Variants in ACTN4 observed in about 807,000 individuals in gnomAD.
ACTN4 encodes alpha-actinin-4.
In ACTN4, 18 loss-of-function variants were observed where a neutral mutation model predicts 114.2. The ratio of observed to expected loss-of-function variants is 0.16; its 90% CI spans 0.11 to 0.23. The LOEUF is 0.23. ACTN4 is among the 10% of genes least tolerant of loss of function. The pLI is 1.00. For missense variants in ACTN4, 722 were observed against 1,262.9 expected (o/e 0.57, Z 6.49); for synonymous variants, 515 against 506.3 (o/e 1.02, Z -0.23).
intron 8 of ACTN4, among the ~76,000 whole-genome samples, chr19:38,714,162 C>T (rs554647912): frequency 9.5e-4 from 145 of 152,312 alleles, no homozygotes; most frequent in Admixed American, 1.6e-3. Flanking sequence ...GCAGCCGACC[C>T]GTCCAGCCTC....
chr19:38,712,629 C>T (rs745805112), intron 8 of ACTN4, among the ~76,000 whole-genome samples: 30 of 152,046 alleles, frequency 2.0e-4, no homozygotes, highest in Non-Finnish European at 3.2e-4. Context: ...AGGGCACGGG[C>T]CAGGAGGGTG....
chr19:38,726,881 C>G, intron 17 of ACTN4, 76 bp from the exon 18 acceptor site: 1 of 1,599,334 alleles, frequency 6.3e-7, no homozygotes, highest in Non-Finnish European at 8.5e-7. Context: ...GGACAGTTCA[C>G]AGTCCTCCAC....
rs1467577164 is a variant in ACTN4 at position 38,728,996 on chromosome 19, G to A, written c.2419G>A (p.Gly807Ser). 1.2e-6 allele frequency: 2 copies of A among 1,612,936 alleles called. No individual in the cohort carries two copies. Among genetic ancestry groups the A allele is most frequent in the Admixed American group, 1.7e-5 (1 of 60,030 alleles). The change falls in exon 20 of 21, where the codon GGT becomes AGT. Residue 807 changes from glycine (G) to serine (S), a missense_variant and splice_region_variant. Physicochemically the swap from Gly to Ser is moderately conservative, Grantham distance 56 (BLOSUM62 0). This residue lies in a region of ACTN4 where 523 missense variants were observed against 875.9 expected (regional missense o/e 0.60). Coordinates refer to ENST00000252699, the MANE Select transcript of ACTN4 (RefSeq NM_004924.6). ...CCCCCACCCCACCCTCTCCTTGCAGGGTGAGGCCGAGTTCAACCGCATCAT... is the reference window on the plus strand; with the variant it reads ...CCCCCACCCCACCCTCTCCTTGCAGAGTGAGGCCGAGTTCAACCGCATCAT... Reference protein sequence around the residue: ...LGYDVENDRQGEAEFNRIMSL... With the variant: ...LGYDVENDRQSEAEFNRIMSL...
chr19:38,674,609 A>G (rs998993919), intron 1 of ACTN4, among the ~76,000 whole-genome samples: 2 of 152,026 alleles, frequency 1.3e-5, no homozygotes, highest in Non-Finnish European at 2.9e-5. Context: ...TTTTATCCCT[A>G]CCCTTACAGA....
At chr19:38,662,252 C>T (rs1024892782) in intron 1 of ACTN4, among the ~76,000 whole-genome samples, 1 of 152,182 alleles carries the variant, frequency 6.6e-6, no homozygotes, top group Non-Finnish European at 1.5e-5. Context: ...GAGGGAGGAA[C>T]AGCAACAGGG....
intron 12 of ACTN4, 148 bp downstream of exon 12, chr19:38,721,836 G>C: frequency 8.2e-7 from 1 of 1,216,446 alleles, no homozygotes; most frequent in Non-Finnish European, 1.2e-6. Context: ...AGAAGCCAGG[G>C]AAGGGCCTTA....
At chr19:38,670,345 A>G (rs1218839309) in intron 1 of ACTN4, among the ~76,000 whole-genome samples, 1 of 152,190 alleles carries the variant, frequency 6.6e-6, no homozygotes, top group Non-Finnish European at 1.5e-5. Flanking sequence ...CAGGAACAGC[A>G]AGGATAGGCC....
intron 1 of ACTN4, among the ~76,000 whole-genome samples, chr19:38,694,821 A>G (rs911359116): frequency 2.6e-5 from 4 of 152,320 alleles, no homozygotes; most frequent in South Asian, 4.1e-4. Context: ...TAGCCGTTAT[A>G]GCATAATTAC....
At position 38,710,242 on chromosome 19, in the gene ACTN4, G is replaced by A. The variant is rs569065259; in HGVS notation, c.734-15G>A. On this transcript the variant is annotated splice_polypyrimidine_tract_variant and intron_variant, in intron 7 of 20. Coordinates refer to ENST00000252699, the MANE Select transcript of ACTN4 (RefSeq NM_004924.6). ...GCCCTACTCGGGCAGTTTAACCCTTGTTGTTCACTTGCAGACATCGTGAAC... is the reference window on the plus strand; with the variant it reads ...GCCCTACTCGGGCAGTTTAACCCTTATTGTTCACTTGCAGACATCGTGAAC... The A allele has an allele frequency of 1.9e-5, 30 of 1,613,996 alleles. No individual in the cohort carries two copies. In the African/African-American group the frequency reaches 3.2e-4, roughly 17 times the overall value.
At chr19:38,700,809 C>A in intron 2 of ACTN4, 95 bp downstream of exon 2, 1 of 1,402,300 alleles carries the variant, frequency 7.1e-7, no homozygotes, top group Non-Finnish European at 9.9e-7. Context: ...TGTCCCATTG[C>A]TCCTGGGGAG....
intron 12 of ACTN4, chr19:38,721,990 C>T: frequency 2.1e-6 from 1 of 467,064 alleles, no homozygotes; most frequent in Non-Finnish European, 4.0e-6. Context: ...CCTCTCCTGG[C>T]CACCCCAAGT....
intron 1 of ACTN4, among the ~76,000 whole-genome samples, chr19:38,675,440 G>A (rs922871106): frequency 3.9e-5 from 6 of 152,156 alleles, no homozygotes; most frequent in Non-Finnish European, 8.8e-5. Flanking sequence ...TCACCATGTT[G>A]CCCAGGCTGG....
At position 38,731,382 on chromosome 19, in the gene ACTN4, C is replaced by T. The variant is rs376653887; in HGVS notation, c.*1950C>T. The stretch of plus-strand genomic sequence containing the variant: ...GTGAGTACAGGCTGATCCCTTCAAT[C>T]CTCTGGGCCTGTTTCCTCATCCATC... On this transcript the variant is annotated 3_prime_UTR_variant, in exon 21 of 21. Coordinates refer to ENST00000252699, the MANE Select transcript of ACTN4 (RefSeq NM_004924.6). 7 of 636,542 alleles carry T rather than the reference C, an allele frequency of 1.1e-5. No individual in the cohort carries two copies. The highest frequency in any genetic ancestry group is 3.6e-5 in the African/African-American group (2 of 55,810). The allele number at this position is 636,542 out of a possible 1,614,324, so 39.4% of individuals were successfully genotyped here.
intron 1 of ACTN4, among the ~76,000 whole-genome samples, chr19:38,688,558 G>A (rs1372604715): frequency 6.6e-6 from 1 of 151,516 alleles, no homozygotes; most frequent in African/African-American, 2.4e-5. Context: ...GCAACAGGGT[G>A]AGACCCTGTC....
intron 1 of ACTN4, among the ~76,000 whole-genome samples, chr19:38,671,795 C>T (rs7260070): frequency 0.058 from 8,891 of 152,290 alleles, 282 homozygotes; most frequent in South Asian, 0.11. Context: ...TGGGAAAAGC[C>T]AGGAAGCTCG....
rs568966362 is a variant in ACTN4, at chr19:38,727,635, C to A, written c.2338-311C>A. On this transcript the variant is annotated intron_variant, in intron 18 of 20. Coordinates refer to ENST00000252699, the MANE Select transcript of ACTN4 (RefSeq NM_004924.6). The surrounding 1 kb of genome is among the most constrained non-coding windows in gnomAD (Gnocchi z 5.4). ...TCCCAAAGGCAAGGAGAACCCCCCC[C>A]CCGACCCTCCACCAGTCCTGGGACT... 9.9e-5 allele frequency among the ~76,000 whole-genome samples: 14 copies of A among 140,870 alleles called. No homozygotes were observed. Among genetic ancestry groups the A allele is most frequent in the South Asian group, 2.9e-4 (1 of 3,490 alleles). The allele number at this position is 140,870 out of a possible 152,430, so 92.4% of individuals were successfully genotyped here. A position where few individuals can be genotyped will look rare whatever the true frequency, so the allele number is the denominator to read the frequency against.
At chr19:38,669,645 G>A (rs1030973234) in intron 1 of ACTN4, among the ~76,000 whole-genome samples, 1 of 152,156 alleles carries the variant, frequency 6.6e-6, no homozygotes, top group Admixed American at 6.5e-5. Context: ...GCTTGTTTTA[G>A]TAGCTGCATT....
Position 38,705,531 on chromosome 19 carries a change from C to T in ACTN4, c.484+511C>T, listed in dbSNP as rs377448229. 2.2e-4 allele frequency among the ~76,000 whole-genome samples: 33 copies of T among 152,320 alleles called. 1 individual carries two copies. The highest frequency in any genetic ancestry group is 2.1e-3 in the Admixed American group (32 of 15,306). Reference sequence around the variant, plus strand: ...GTGCAGGGGCTCCCAGGTGCCAGGTCGCAGTGATGACTGGGAGAGATGTGC... The same window carrying T: ...GTGCAGGGGCTCCCAGGTGCCAGGTTGCAGTGATGACTGGGAGAGATGTGC... On this transcript the variant is annotated intron_variant, in intron 4 of 20. Transcript: ENST00000252699.
chr19:38,679,231 A>C (rs1054537489), intron 1 of ACTN4, among the ~76,000 whole-genome samples: 1 of 152,156 alleles, frequency 6.6e-6, no homozygotes, highest in Non-Finnish European at 1.5e-5. Flanking sequence ...TCAGCCCCAC[A>C]AGTCCACTGA....
Sources: gnomAD v4.1 joint callset for allele counts (sites outside exome capture counted in the v4.1 genomes callset) on GRCh38, gnomAD v4.1.1 for gene constraint, gnomAD v4.1.1 regional missense constraint, Gnocchi (gnomAD v3.1) non-coding constraint, MANE v1.5 for transcripts, NCBI Gene and HGNC (gene_info 2026-07-23, HGNC 2026-07-21) for gene names.